RMDN2: variants seen among roughly 807,000 people sequenced by gnomAD.
RMDN2 encodes regulator of microtubule dynamics 2.
A neutral mutation model predicts 52.8 loss-of-function variants in RMDN2; 61 were observed. The ratio of observed to expected loss-of-function variants is 1.16; its 90% CI spans 0.94 to 1.43. The LOEUF (loss-of-function observed/expected upper bound fraction) is 1.43. Among genes scored for constraint, RMDN2 ranks in the 40% most tolerant of loss-of-function variants. The pLI is 0.00. For missense variants in RMDN2, 592 were observed against 475.3 expected (o/e 1.25, Z -2.28); for synonymous variants, 180 against 153.1 (o/e 1.18, Z -1.30).
At chr2:37,963,996 C>T (rs546748973) in intron 2 of RMDN2, among the ~76,000 whole-genome samples, 1 of 151,344 alleles carries the variant, frequency 6.6e-6, no homozygotes, top group Non-Finnish European at 1.5e-5. Context: ...GGGCTGCCCC[C>T]CACCTCCCTC....
chr2:38,050,728 G>A (rs1681542989), intron 10 of RMDN2, among the ~76,000 whole-genome samples: 2 of 152,138 alleles, frequency 1.3e-5, no homozygotes, highest in African/African-American at 4.8e-5. Context: ...TTACATGGTG[G>A]TTGTTTTTTG....
Position 37,968,239 on chromosome 2 carries a change from G to A in RMDN2, c.453-5801G>A, listed in dbSNP as rs950716715. Among the ~76,000 whole-genome samples the A allele has an allele frequency of 2.6e-5, 4 of 151,882 alleles. No homozygotes were observed. The East Asian group carries it at 5.8e-4, about 22-fold the overall frequency. ...GCAGATCACTTGAGGTCAGGAGTTC[G>A]AGACCAGCCTGGCCAACATGGTGAA... On this transcript the variant is annotated intron_variant, in intron 2 of 10. Coordinates refer to ENST00000354545, the MANE Select transcript of RMDN2 (RefSeq NM_001170791.3).
At chr2:38,024,732 T>C (rs1241329964) in intron 10 of RMDN2, among the ~76,000 whole-genome samples, 1 of 152,190 alleles carries the variant, frequency 6.6e-6, no homozygotes, top group Non-Finnish European at 1.5e-5. Context: ...ACTTGCAATC[T>C]ATCTAATACT....
intron 10 of RMDN2, chr2:38,030,734 A>G (rs1680138286): frequency 6.6e-6 from 1 of 152,096 alleles, no homozygotes. Context: ...CCATGGAGAA[A>G]AGTGGTACAA....
chr2:38,013,429 A>G (rs995615921), intron 10 of RMDN2, among the ~76,000 whole-genome samples: 4 of 152,260 alleles, frequency 2.6e-5, no homozygotes, highest in African/African-American at 4.8e-5. Flanking sequence ...CAATGTTACC[A>G]GAAACAAACC....
chr2:37,950,762 A>G (rs1384245702), intron 2 of RMDN2, among the ~76,000 whole-genome samples: 1 of 152,162 alleles, frequency 6.6e-6, no homozygotes, highest in African/African-American at 2.4e-5. Context: ...ATCCATGGTT[A>G]ATATTTTAAA....
At chr2:38,053,248 A>G (rs1288503144) in intron 10 of RMDN2, among the ~76,000 whole-genome samples, 6 of 152,188 alleles carry the variant, frequency 3.9e-5, no homozygotes, top group Non-Finnish European at 7.3e-5. Flanking sequence ...TATAATTGCC[A>G]AAGACCCACA....
chr2:37,966,711 C>T (rs548104104), intron 2 of RMDN2, among the ~76,000 whole-genome samples: 296 of 151,878 alleles, frequency 1.9e-3, no homozygotes, highest in Non-Finnish European at 2.9e-3. Context: ...TCTGTTGGTC[C>T]CTTCCAGTAA....
At chr2:37,997,688 A>G (rs555429776) in intron 8 of RMDN2, 174 bp downstream of exon 8, 1 of 578,684 alleles carries the variant, frequency 1.7e-6, no homozygotes, top group Non-Finnish European at 3.1e-6. Flanking sequence ...TTTTAAGTCT[A>G]AACTCCTTAG....
At chr2:38,050,190 C>G (rs1681501486) in intron 10 of RMDN2, among the ~76,000 whole-genome samples, 1 of 151,980 alleles carries the variant, frequency 6.6e-6, no homozygotes, top group Non-Finnish European at 1.5e-5. Flanking sequence ...TCTGTGAGAC[C>G]TCGCACCATG....
upstream of RMDN2, among the ~76,000 whole-genome samples, chr2:37,922,552 C>T (rs1260709685): frequency 6.6e-6 from 1 of 152,160 alleles, no homozygotes; most frequent in Non-Finnish European, 1.5e-5. Flanking sequence ...GTGCACCATG[C>T]CAGGTTCCCA....
At chr2:37,970,846 A>C (rs1448047547) in intron 2 of RMDN2, among the ~76,000 whole-genome samples, 1 of 152,128 alleles carries the variant, frequency 6.6e-6, no homozygotes, top group Non-Finnish European at 1.5e-5. Context: ...CATCTTTTAA[A>C]TTACATAATT....
chr2:37,966,748 G>T (rs985158318), intron 2 of RMDN2, among the ~76,000 whole-genome samples: 5 of 151,952 alleles, frequency 3.3e-5, no homozygotes, highest in Non-Finnish European at 7.4e-5. Flanking sequence ...TCATATGAGA[G>T]GGTCTTCAAA....
At chr2:37,925,047 G>C (rs972638936), upstream of RMDN2, among the ~76,000 whole-genome samples, 2 of 152,356 alleles carry the variant, frequency 1.3e-5, no homozygotes, top group South Asian at 2.1e-4. Context: ...GAGGGAACGC[G>C]CTGGGGCTAG....
rs749904432 is a variant in RMDN2, at chr2:37,975,315, G to A, written c.730+1G>A. 1 of 1,513,052 alleles carries A rather than the reference G, an allele frequency of 6.6e-7. No individual in the cohort carries two copies. Among genetic ancestry groups the A allele is most frequent in the Non-Finnish European group, 9.2e-7 (1 of 1,089,414 alleles). 93.7% of individuals were successfully genotyped at this position (1,513,052 alleles called of 1,614,324 possible). A position where few individuals can be genotyped will look rare whatever the true frequency, so the allele number is the denominator to read the frequency against. ...GAAAAGAAACATTATGCTAATATTG[G>A]TAAGCATTTTGTAAAGATTATTCTC... On this transcript the variant is annotated splice_donor_variant, in intron 4 of 10. Coordinates refer to ENST00000354545, the MANE Select transcript of RMDN2 (RefSeq NM_001170791.3). LOFTEE classifies it high-confidence loss of function.
At chr2:38,004,329 T>C in intron 10 of RMDN2, 113 bp downstream of exon 10, 1 of 693,234 alleles carries the variant, frequency 1.4e-6, no homozygotes. Flanking sequence ...ATTTTATGTA[T>C]TTATTTTTAT....
At chr2:37,926,649 A>C (rs560509596) in intron 1 of RMDN2, among the ~76,000 whole-genome samples, 4 of 152,242 alleles carry the variant, frequency 2.6e-5, no homozygotes, top group South Asian at 2.1e-4. Context: ...GAAGTATGAA[A>C]GCTAACAAGG....
Position 38,017,682 on chromosome 2 carries a change from T to A in RMDN2, c.*443T>A. 1 of 535,108 alleles carries A rather than the reference T, an allele frequency of 1.9e-6. No homozygotes were observed. Among genetic ancestry groups the A allele is most frequent in the Non-Finnish European group, 3.0e-6 (1 of 329,054 alleles). 33.1% of individuals were successfully genotyped at this position (535,108 alleles called of 1,614,324 possible). On this transcript the variant is annotated 3_prime_UTR_variant, in exon 11 of 11. Coordinates refer to ENST00000354545, the MANE Select transcript of RMDN2 (RefSeq NM_001170791.3). ...GAAGAGGAAAAACAAACAAATGTAG[T>A]ATTGTAACTGGTAATCAAAAGATGT...
intron 4 of RMDN2, among the ~76,000 whole-genome samples, chr2:37,976,883 T>C (rs1672537875): frequency 1.3e-5 from 2 of 151,786 alleles, no homozygotes; most frequent in Admixed American, 6.6e-5. Context: ...CATTCTTGGG[T>C]GTTTCTCGGA....
Sources: allele counts gnomAD v4.1 joint callset (sites outside exome capture counted in the v4.1 genomes callset), GRCh38; gene constraint gnomAD v4.1.1; transcripts MANE v1.5; gene names NCBI Gene and HGNC (gene_info 2026-07-23, HGNC 2026-07-21).